Variants in DLG2 observed in about 807,000 individuals in gnomAD.
DLG2 encodes the protein discs large MAGUK scaffold protein 2, also known as disks large homolog 2.
In DLG2, 45 loss-of-function variants were observed where a neutral mutation model predicts 132.5. That is an observed-to-expected ratio of 0.34 (90% CI 0.27 to 0.44). The LOEUF is 0.44. Ranked by LOEUF, DLG2 falls within the 20% of genes least tolerant of loss-of-function variation. The probability of loss-of-function intolerance (pLI) is 1.00; values close to 1 mark genes in which losing one functional copy is unlikely to be tolerated. For synonymous variants in DLG2, 424 were observed against 419.6 expected, an observed-to-expected ratio of 1.01 and a Z score of -0.13; for missense variants, 1,045 against 1,196.9, an observed-to-expected ratio of 0.87 and a Z score of 1.87.
At chr11:84,867,222 G>T (rs2084707079) in intron 6 of DLG2, among the ~76,000 whole-genome samples, 1 of 152,150 alleles carries the variant, frequency 6.6e-6, no homozygotes, top group African/African-American at 2.4e-5. Context: ...ACAGGTTTTA[G>T]TTTTATCTTC....
At chr11:84,157,739 C>T (rs1272018035) in intron 9 of DLG2, among the ~76,000 whole-genome samples, 1 of 152,196 alleles carries the variant, frequency 6.6e-6, no homozygotes, top group African/African-American at 2.4e-5. Context: ...CTTCTGTGTC[C>T]TCCACAAGGC....
chr11:85,097,473 G>A (rs758633863), intron 6 of DLG2, among the ~76,000 whole-genome samples: 4 of 152,176 alleles, frequency 2.6e-5, no homozygotes, highest in Admixed American at 6.5e-5. Context: ...TAATAAAGGA[G>A]GGAAGATAGA....
intron 3 of DLG2, among the ~76,000 whole-genome samples, chr11:85,328,980 A>G (rs2152836779): frequency 8.2e-6 from 1 of 122,528 alleles, no homozygotes; most frequent in Non-Finnish European, 1.7e-5. Flanking sequence ...ATACACCAAC[A>G]ACAGACAAAC....
intron 7 of DLG2, among the ~76,000 whole-genome samples, chr11:84,328,500 G>C (rs923354589): frequency 6.6e-6 from 1 of 152,182 alleles, no homozygotes; most frequent in African/African-American, 2.4e-5. Flanking sequence ...CCTTGAAGTA[G>C]AGTGCCTGGC....
At chr11:83,729,639 A>G (rs2090630110) in intron 18 of DLG2, among the ~76,000 whole-genome samples, 1 of 152,226 alleles carries the variant, frequency 6.6e-6, no homozygotes, top group Admixed American at 6.5e-5. Context: ...TGAAAAATAC[A>G]GGATCATAGT....
intron 15 of DLG2, among the ~76,000 whole-genome samples, chr11:83,921,725 T>C (rs1371651537): frequency 6.6e-6 from 1 of 152,206 alleles, no homozygotes; most frequent in Non-Finnish European, 1.5e-5. Context: ...GTTTTCTTAT[T>C]GCTACCCAAT....
At chr11:83,681,224 AAAC>A (rs2078735210) in intron 18 of DLG2, among the ~76,000 whole-genome samples, 1 of 152,196 alleles carries the variant, frequency 6.6e-6, no homozygotes, top group Non-Finnish European at 1.5e-5. Flanking sequence ...GACAGAGGCA[AAAC>A]AACACAGCAG....
intron 6 of DLG2, among the ~76,000 whole-genome samples, chr11:85,084,757 T>C (rs759795607): frequency 5.9e-5 from 9 of 152,136 alleles, no homozygotes; most frequent in South Asian, 2.1e-4. Flanking sequence ...ATCACAAATA[T>C]ATGAGATCAT....
intron 6 of DLG2, among the ~76,000 whole-genome samples, chr11:84,653,572 CT>C (rs1305056352): frequency 3.3e-5 from 5 of 152,102 alleles, no homozygotes; most frequent in Non-Finnish European, 7.4e-5. Context: ...ACATGGTCAC[CT>C]TGAACTGCCC....
chr11:85,074,719 G>A (rs1033532946), intron 6 of DLG2, among the ~76,000 whole-genome samples: 2 of 151,840 alleles, frequency 1.3e-5, no homozygotes, highest in Non-Finnish European at 2.9e-5. Context: ...AATATAGGAG[G>A]AGACTTGAGG....
At chr11:83,568,484 G>A (rs1449570391) in intron 19 of DLG2, among the ~76,000 whole-genome samples, 2 of 152,110 alleles carry the variant, frequency 1.3e-5, no homozygotes, top group Non-Finnish European at 2.9e-5. Context: ...AAATTAGGTC[G>A]AAATTAAAGC....
intron 7 of DLG2, among the ~76,000 whole-genome samples, chr11:84,297,794 T>C (rs904021243): frequency 2.6e-5 from 4 of 152,108 alleles, no homozygotes; most frequent in Non-Finnish European, 4.4e-5. Flanking sequence ...CTCAGCCTTC[T>C]TCTTGACACT....
chr11:85,545,631 G>T (rs1043360130), intron 3 of DLG2, among the ~76,000 whole-genome samples: 5 of 152,040 alleles, frequency 3.3e-5, no homozygotes, highest in African/African-American at 1.2e-4. Context: ...GCTTTTTTTG[G>T]TTGGTAGGCT....
intron 8 of DLG2, among the ~76,000 whole-genome samples, chr11:84,189,837 G>T (rs2096367765): frequency 6.6e-6 from 1 of 152,092 alleles, no homozygotes; most frequent in South Asian, 2.1e-4. Flanking sequence ...GCCTATGGGG[G>T]GAAGGAGGGC....
At chr11:83,643,320 G>A (rs1459349164) in intron 18 of DLG2, among the ~76,000 whole-genome samples, 4 of 152,138 alleles carry the variant, frequency 2.6e-5, no homozygotes, top group African/African-American at 9.7e-5. Context: ...GGGGAAAATG[G>A]AAACTTCAGA....
chr11:84,005,955 A>T (rs921424689), intron 11 of DLG2, among the ~76,000 whole-genome samples: 5 of 151,878 alleles, frequency 3.3e-5, no homozygotes, highest in Non-Finnish European at 7.4e-5. Context: ...CTACTATACA[A>T]TCCAGCAATC....
intron 15 of DLG2, among the ~76,000 whole-genome samples, chr11:83,924,581 ACCATTCAT>A (rs2078594768): frequency 6.6e-6 from 1 of 152,120 alleles, no homozygotes; most frequent in African/African-American, 2.4e-5. Context: ...TGCCAACCCT[ACCATTCAT>A]CTCCCTTCAC....
intron 6 of DLG2, among the ~76,000 whole-genome samples, chr11:84,927,877 T>C (rs945553429): frequency 3.3e-5 from 5 of 151,900 alleles, no homozygotes; most frequent in East Asian, 3.9e-4. Flanking sequence ...TTGTTAGAAA[T>C]AGAAATTCTC....
At chr11:85,199,862 T>C (rs2081322055) in intron 4 of DLG2, among the ~76,000 whole-genome samples, 2 of 151,936 alleles carry the variant, frequency 1.3e-5, no homozygotes, top group Admixed American at 6.6e-5. Flanking sequence ...CAGAATCATA[T>C]AGAAAACAAA....
Sources: allele counts gnomAD v4.1 joint callset (sites outside exome capture counted in the v4.1 genomes callset), GRCh38; gene constraint gnomAD v4.1.1; transcripts MANE v1.5; gene names NCBI Gene and HGNC (gene_info 2026-07-23, HGNC 2026-07-21).